COL6A3: variants seen among roughly 807,000 people sequenced by gnomAD.
COL6A3 encodes the protein collagen type VI alpha 3 chain.
In COL6A3, 137 loss-of-function variants were observed where a neutral mutation model predicts 274.1. That is an observed-to-expected ratio of 0.50 (90% confidence interval 0.44 to 0.58). The LOEUF is 0.58. COL6A3 is among the 20% of genes least tolerant of loss of function. The pLI is 0.00. For missense variants in COL6A3, 3,950 were observed against 4,124.9 expected, an observed-to-expected ratio of 0.96 and a Z score of 1.16; for synonymous variants, 1,650 against 1,650.6, an observed-to-expected ratio of 1.00 and a Z score of 0.01.
At chr2:237,392,024 G>A (rs1268482939) in intron 3 of COL6A3, among the ~76,000 whole-genome samples, 3 of 152,122 alleles carry the variant, frequency 2.0e-5, no homozygotes, top group Non-Finnish European at 1.5e-5. Flanking sequence ...ATGCCTGTGT[G>A]GTAATGCCAG....
chr2:237,328,715 A>G (rs1700077123), intron 42 of COL6A3: 1 of 152,220 alleles, frequency 6.6e-6, no homozygotes, highest in South Asian at 2.1e-4. Flanking sequence ...TGATATTCCC[A>G]TAGTGTTTCA....
At chr2:237,381,706 C>T (rs1559263057) in intron 4 of COL6A3, among the ~76,000 whole-genome samples, 1 of 152,210 alleles carries the variant, frequency 6.6e-6, no homozygotes, top group Non-Finnish European at 1.5e-5. Context: ...GGCTCACCTT[C>T]CACCCTGCCC....
rs1394135642 is a variant in COL6A3, at chr2:237,375,091, G to A, written c.3071-71C>T. The A allele has an allele frequency of 6.3e-6, 10 of 1,596,820 alleles. No individual in the cohort carries two copies. In the East Asian group the frequency reaches 1.8e-4, roughly 28 times the overall value. ...CAATTTCATATCAACGAGGTGGGCT[G>A]CATAAGAGCATCACAGGGATGTCCA... On this transcript the variant is annotated intron_variant, in intron 7 of 43. Transcript: ENST00000295550.
At chr2:237,390,426 G>A (rs1004875318) in intron 3 of COL6A3, among the ~76,000 whole-genome samples, 1 of 152,222 alleles carries the variant, frequency 6.6e-6, no homozygotes, top group Non-Finnish European at 1.5e-5. Context: ...TTATTCAAGA[G>A]AGCTGAAGCC....
rs377461673 is a variant in COL6A3 at position 237,366,673 on chromosome 2, A to G, written c.5500+14T>C. 1.2e-6 allele frequency: 2 copies of G among 1,614,250 alleles called. No homozygotes were observed. The highest frequency in any genetic ancestry group is 2.2e-5 in the East Asian group (1 of 44,886). ...ACAGGAAAGGATGGAAAATATGCAC[A>G]TAATGGGAGTTACCTTTGGCAGCAT... is the stretch of plus-strand genomic sequence containing the variant. On this transcript the variant is annotated intron_variant, in intron 11 of 43. Coordinates refer to ENST00000295550, the MANE Select transcript of COL6A3 (RefSeq NM_004369.4).
At chr2:237,366,336 C>T (rs1431643982) in intron 11 of COL6A3, among the ~76,000 whole-genome samples, 1 of 152,148 alleles carries the variant, frequency 6.6e-6, no homozygotes, top group Non-Finnish European at 1.5e-5. Context: ...CAAGTTTGTG[C>T]TTTAAATTAA....
intron 22 of COL6A3, 74 bp downstream of exon 22, chr2:237,357,743 G>C: frequency 6.8e-7 from 1 of 1,477,178 alleles, no homozygotes; most frequent in Non-Finnish European, 9.5e-7. Flanking sequence ...CTCTGTGGCT[G>C]CTGATGAGCC....
chr2:237,397,920 A>G (rs925225660), intron 1 of COL6A3, among the ~76,000 whole-genome samples: 1 of 152,258 alleles, frequency 6.6e-6, no homozygotes, highest in African/African-American at 2.4e-5. Context: ...CAATTTGGAA[A>G]TAGCATATTC....
At position 237,361,592 on chromosome 2, in the gene COL6A3, C is replaced by T; in HGVS notation, c.6156+147G>A. On this transcript the variant is annotated intron_variant, in intron 15 of 43. Coordinates refer to ENST00000295550, the MANE Select transcript of COL6A3 (RefSeq NM_004369.4). The surrounding 1 kb of genome is among the most constrained non-coding windows in gnomAD (Gnocchi z 5.1). ...AGCAGAACAGCACGCAGGTCTGCCCCTCAGAGCTCCTCCTTCTAACATAAG... is the reference window on the plus strand; with the variant it reads ...AGCAGAACAGCACGCAGGTCTGCCCTTCAGAGCTCCTCCTTCTAACATAAG... 1 of 827,230 alleles carries T rather than the reference C, an allele frequency of 1.2e-6. No homozygotes were observed. Among genetic ancestry groups the T allele is most frequent in the South Asian group, 1.4e-5 (1 of 70,498 alleles). 51.2% of individuals were successfully genotyped at this position (827,230 alleles called of 1,614,324 possible). A position where few individuals can be genotyped will look rare whatever the true frequency, so the allele number is the denominator to read the frequency against.
Position 237,344,419 on chromosome 2 carries a change from G to A in COL6A3, c.7599C>T (p.Leu2533=). Residue 2533 remains leucine, a synonymous_variant, in exon 36 of 44, where the codon CTC becomes CTT. Transcript: ENST00000295550. This position sits in a 1 kb window ranked among gnomAD's most constrained non-coding sequence, Gnocchi z 4.8. ...SPQLREAVLK[L]SDAGITPLFL... ...ACAAGGGGGTGATCCCCGCATCTGA[G>A]AGCTTGAGCACAGCCTCTCTGAGCT... 2 of 1,614,174 alleles carry A rather than the reference G, an allele frequency of 1.2e-6. No homozygotes were observed. The highest frequency in any genetic ancestry group is 1.1e-5 in the South Asian group (1 of 91,080).
chr2:237,387,513 C>T (rs1169946367), intron 4 of COL6A3, 69 bp downstream of exon 4: 6 of 1,610,946 alleles, frequency 3.7e-6, no homozygotes, highest in Non-Finnish European at 5.1e-6. Context: ...TGGTACCCAC[C>T]TTACGTCTAT....
intron 10 of COL6A3, among the ~76,000 whole-genome samples, chr2:237,367,715 G>A (rs2077587034): frequency 6.6e-6 from 1 of 152,232 alleles, no homozygotes; most frequent in African/African-American, 2.4e-5. Context: ...GAAGAGATGT[G>A]TGTGAGGTGC....
In COL6A3 at chr2:237,361,032, G is replaced by T; in HGVS notation, c.6210+89C>A. Reference sequence around the variant, plus strand: ...CCCAAAGGGAAAGCCATCAGCAACTGAACAAATGATGAAATCCACAATGCA... The same window carrying T: ...CCCAAAGGGAAAGCCATCAGCAACTTAACAAATGATGAAATCCACAATGCA... On this transcript the variant is annotated intron_variant, in intron 16 of 43. Transcript: ENST00000295550. This position sits in a 1 kb window ranked among gnomAD's most constrained non-coding sequence, Gnocchi z 5.1. 2 of 1,124,916 alleles carry T rather than the reference G, an allele frequency of 1.8e-6. No homozygotes were observed. The highest frequency in any genetic ancestry group is 2.7e-6 in the Non-Finnish European group (2 of 735,084). The allele number at this position is 1,124,916 out of a possible 1,614,324, so 69.7% of individuals were successfully genotyped here.
Position 237,352,604 on chromosome 2 carries a change from TC to T in COL6A3, c.6691-21del. 1 of 1,610,194 alleles carries T rather than the reference TC, an allele frequency of 6.2e-7. No homozygotes were observed. Among genetic ancestry groups the T allele is most frequent in the Non-Finnish European group, 8.5e-7 (1 of 1,177,438 alleles). On this transcript the variant is annotated intron_variant, in intron 25 of 43. Transcript: ENST00000295550. ...TGGGCCCTGAGGAAGGAAAAGACCA[TC>T]GTGAGTGCTAATGAGGTGACTTTCC... is the stretch of plus-strand genomic sequence containing the variant.
intron 11 of COL6A3, 86 bp from the exon 12 acceptor site, chr2:237,366,121 G>A: frequency 1.7e-6 from 2 of 1,211,850 alleles, no homozygotes; most frequent in Non-Finnish European, 2.4e-6. Context: ...GACAACCCAG[G>A]CAGAGGACCA....
chr2:237,379,700 G>A (rs2077952449), intron 5 of COL6A3, among the ~76,000 whole-genome samples: 1 of 152,162 alleles, frequency 6.6e-6, no homozygotes, highest in African/African-American at 2.4e-5. Flanking sequence ...ACTAACCTGA[G>A]AAAACGAGTT....
intron 3 of COL6A3, 27 bp from the exon 4 acceptor site, chr2:237,388,211 G>A: frequency 6.2e-7 from 1 of 1,613,404 alleles, no homozygotes; most frequent in Non-Finnish European, 8.5e-7. Flanking sequence ...TGCAAAAAAT[G>A]TGAAAGCATT....
At chr2:237,393,901 C>T (rs2078356659) in intron 3 of COL6A3, among the ~76,000 whole-genome samples, 1 of 152,176 alleles carries the variant, frequency 6.6e-6, no homozygotes, top group African/African-American at 2.4e-5. Context: ...GAGTGGTTCT[C>T]ATCAACTCCA....
In COL6A3 at chr2:237,344,317, G is replaced by A. The variant is rs1230117020; in HGVS notation, c.7668+33C>T. On this transcript the variant is annotated intron_variant, in intron 36 of 43. Coordinates refer to ENST00000295550, the MANE Select transcript of COL6A3 (RefSeq NM_004369.4). This position sits in a 1 kb window ranked among gnomAD's most constrained non-coding sequence, Gnocchi z 4.8. ...AACCTTCTCAGAGCCCCAGAAGAAA[G>A]GGAGATGCCAACAGCACGCACAGAG... is the stretch of plus-strand genomic sequence containing the variant. The A allele has an allele frequency of 6.2e-7, 1 of 1,613,914 alleles. No individual in the cohort carries two copies. The highest frequency in any genetic ancestry group is 1.3e-5 in the African/African-American group (1 of 74,912).
Sources: gnomAD v4.1 joint callset for allele counts (sites outside exome capture counted in the v4.1 genomes callset) on GRCh38, gnomAD v4.1.1 for gene constraint, Gnocchi (gnomAD v3.1) non-coding constraint, MANE v1.5 for transcripts, NCBI Gene and HGNC (gene_info 2026-07-23, HGNC 2026-07-21) for gene names.